Variants in POLR3A observed in about 807,000 individuals in gnomAD.
POLR3A encodes the protein DNA-directed RNA polymerase III subunit RPC1.
A neutral mutation model predicts 152.8 loss-of-function variants in POLR3A; 112 were observed. That is an observed-to-expected ratio of 0.73 (90% CI 0.63 to 0.86). The LOEUF (loss-of-function observed/expected upper bound fraction) is 0.86. POLR3A is among the 40% of genes least tolerant of loss of function. The pLI is 0.00. For missense variants in POLR3A, 1,385 were observed against 1,743.1 expected, an observed-to-expected ratio of 0.79 and a Z score of 3.66; for synonymous variants, 615 against 652.1, an observed-to-expected ratio of 0.94 and a Z score of 0.87.
intron 21 of POLR3A, among the ~76,000 whole-genome samples, chr10:77,988,785 C>A (rs768700065): frequency 6.6e-6 from 1 of 152,186 alleles, no homozygotes; most frequent in Non-Finnish European, 1.5e-5. Context: ...CTGGCAGTGG[C>A]TGGGTCCTTT....
chr10:78,004,779 G>A lies in POLR3A; in HGVS notation c.2184C>T (p.Ile728=), dbSNP rs764979404. 3.0e-5 allele frequency: 48 copies of A among 1,613,684 alleles called. No homozygotes were observed. The highest frequency in any genetic ancestry group is 3.6e-5 in the Non-Finnish European group (42 of 1,179,780). The stretch of plus-strand genomic sequence containing the variant: ...GCAGCTTGCCCGTGTTCAGGGCTTC[G>A]ATGTACTCATCACATTTCTTGTAGC... The part of the protein sequence containing the change: ...NAGYKKCDEY[I]EALNTGKLQQ... The change falls in exon 16 of 31, where the codon ATC becomes ATT. Residue 728 remains isoleucine (I), a synonymous_variant. Coordinates refer to ENST00000372371, the MANE Select transcript of POLR3A (RefSeq NM_007055.4).
intron 9 of POLR3A, among the ~76,000 whole-genome samples, chr10:78,018,184 A>G (rs1847543537): frequency 6.6e-6 from 1 of 151,406 alleles, no homozygotes; most frequent in Non-Finnish European, 1.5e-5. Context: ...AAAAAAAAAA[A>G]AAAAACCATG....
In POLR3A at chr10:78,017,653, C is replaced by T. The variant is rs1386770615; in HGVS notation, c.1353G>A (p.Glu451=). ...AQELKYGDIV[E]RHLIDGDVVL... is the part of the protein sequence containing the mutation. ...CCACATCTCCATCGATGAGGTGTCT[C>T]TCTACGATGTCACCATACTTGAGCT... is the stretch of plus-strand genomic sequence containing the variant. Residue 451 remains glutamate, a synonymous_variant, in exon 10 of 31, where the codon GAG becomes GAA. Transcript: ENST00000372371. The T allele has an allele frequency of 6.2e-7, 1 of 1,614,082 alleles. No individual in the cohort carries two copies. The highest frequency in any genetic ancestry group is 8.5e-7 in the Non-Finnish European group (1 of 1,179,930).
chr10:78,015,548 G>A (rs761705842), intron 10 of POLR3A, among the ~76,000 whole-genome samples: 1 of 151,902 alleles, frequency 6.6e-6, no homozygotes, highest in Admixed American at 6.6e-5. Context: ...GGCTGGTCTC[G>A]AACTCCTGAC....
At position 77,984,205 on chromosome 10, in the gene POLR3A, C is replaced by T. The variant is rs886047284; in HGVS notation, c.3336G>A (p.Glu1112=). 1 of 1,590,098 alleles carries T rather than the reference C, an allele frequency of 6.3e-7. No individual in the cohort carries two copies. Among genetic ancestry groups the T allele is most frequent in the Non-Finnish European group, 8.6e-7 (1 of 1,158,304 alleles). ...KGRIEKTLLG[E]ISEYIEEVFL... ...GTTATCAATAGGGATTTCTTCTTAC[C>T]TCTCCCAAGAGGGTTTTCTCAATTC... The change falls in exon 25 of 31, where the codon GAG becomes GAA. Residue 1112 remains glutamate (E), a splice_region_variant and synonymous_variant. Coordinates refer to ENST00000372371, the MANE Select transcript of POLR3A (RefSeq NM_007055.4).
rs77853092 is a variant in POLR3A at position 77,989,283 on chromosome 10, G to A, written c.2901+1771C>T. Among the ~76,000 whole-genome samples, 13 of 152,238 alleles carry A rather than the reference G, an allele frequency of 8.5e-5. No individual in the cohort carries two copies. The East Asian group carries it at 1.5e-3, about 18-fold the overall frequency. On this transcript the variant is annotated intron_variant, in intron 21 of 30. Coordinates refer to ENST00000372371, the MANE Select transcript of POLR3A (RefSeq NM_007055.4). ...TGCTCCACAGCAGGCCTATGAGCAC[G>A]GGCATTCTCCTCTGGCAGGGACCTG...
In POLR3A at chr10:77,981,466, T is replaced by G. The variant is rs1564612917; in HGVS notation, c.3853A>C (p.Arg1285=). 6.2e-7 allele frequency: 1 copy of G among 1,614,034 alleles called. No homozygotes were observed. Among genetic ancestry groups the G allele is most frequent in the Admixed American group, 1.7e-5 (1 of 60,014 alleles). ...AGGTCGGAGAGCAGCATCACGTGCC[T>G]CCTGTCGATGCTCATGCCGTGGTTC... ...MVNHGMSIDR[R]HVMLLSDLMT... is the part of the protein sequence containing the mutation. The change falls in exon 29 of 31, where the codon AGG becomes CGG. Residue 1285 remains arginine (R), a synonymous_variant. Coordinates refer to ENST00000372371, the MANE Select transcript of POLR3A (RefSeq NM_007055.4).
Position 78,019,392 on chromosome 10 carries a change from G to A in POLR3A, c.1186-127C>T, listed in dbSNP as rs1863898. ...AGGAGAAAGAGAGGCATCCTGGGCAGCCTGCTGCCTATGGTCTTGAGTATA... is the reference window on the plus strand; with the variant it reads ...AGGAGAAAGAGAGGCATCCTGGGCAACCTGCTGCCTATGGTCTTGAGTATA... On this transcript the variant is annotated intron_variant, in intron 8 of 30. Transcript: ENST00000372371. 0.43 allele frequency: 306,933 copies of A among 722,108 alleles called. 69,705 individuals carry two copies. Among genetic ancestry groups the A allele is most frequent in the Admixed American group, 0.5 (24,833 of 49,226 alleles). The allele number at this position is 722,108 out of a possible 1,614,324, so 44.7% of individuals were successfully genotyped here.
At position 77,986,173 on chromosome 10, in the gene POLR3A, C is replaced by A; in HGVS notation, c.2902-14G>T. ...TTTTTTTATTTCCTGAAAGATTACACAGCAAACATCATTTGTAAGTTTCAC... is the reference window on the plus strand; with the variant it reads ...TTTTTTTATTTCCTGAAAGATTACAAAGCAAACATCATTTGTAAGTTTCAC... On this transcript the variant is annotated splice_polypyrimidine_tract_variant and intron_variant, in intron 21 of 30. Coordinates refer to ENST00000372371, the MANE Select transcript of POLR3A (RefSeq NM_007055.4). 3.4e-6 allele frequency: 4 copies of A among 1,188,264 alleles called. No homozygotes were observed. Among genetic ancestry groups the A allele is most frequent in the Non-Finnish European group, 5.1e-6 (4 of 791,032 alleles). 73.6% of individuals were successfully genotyped at this position (1,188,264 alleles called of 1,614,324 possible).
intron 1 of POLR3A, among the ~76,000 whole-genome samples, chr10:78,027,205 G>A (rs1847643431): frequency 6.6e-6 from 1 of 152,186 alleles, no homozygotes; most frequent in African/African-American, 2.4e-5. Flanking sequence ...AATGACTAGG[G>A]CCAGGGTCCT....
chr10:78,002,953 C>T (rs929752781), intron 16 of POLR3A, among the ~76,000 whole-genome samples: 1 of 152,190 alleles, frequency 6.6e-6, no homozygotes, highest in Admixed American at 6.5e-5. Context: ...ACATGCACCC[C>T]ATACAAATAT....
In POLR3A at chr10:77,982,144, T is replaced by C. The variant is rs754987718; in HGVS notation, c.3759+10A>G. The stretch of plus-strand genomic sequence containing the variant: ...CTAACCCTAAGGCGACCCCGTGGGC[T>C]GAGTGGTACCTCATAGGTGTTATTG... On this transcript the variant is annotated intron_variant, in intron 28 of 30. Coordinates refer to ENST00000372371, the MANE Select transcript of POLR3A (RefSeq NM_007055.4). 14 of 1,609,444 alleles carry C rather than the reference T, an allele frequency of 8.7e-6. No homozygotes were observed. The Admixed American group carries it at 2.3e-4, about 27-fold the overall frequency.
intron 29 of POLR3A, 133 bp from the exon 30 acceptor site, chr10:77,980,406 G>A (rs907351657): frequency 1.4e-5 from 11 of 805,012 alleles, no homozygotes; most frequent in Admixed American, 2.0e-5. Context: ...AGGCCCTGAG[G>A]AGCTATGGGT....
chr10:77,984,959 C>T (rs1847183469), intron 24 of POLR3A, among the ~76,000 whole-genome samples: 1 of 152,194 alleles, frequency 6.6e-6, no homozygotes, highest in Non-Finnish European at 1.5e-5. Flanking sequence ...ATAACAAAAC[C>T]ATTGCTTCTA....
At chr10:78,027,923 T>C (rs1847652670) in intron 1 of POLR3A, among the ~76,000 whole-genome samples, 1 of 152,160 alleles carries the variant, frequency 6.6e-6, no homozygotes, top group Non-Finnish European at 1.5e-5. Context: ...TTCTCTGTTT[T>C]GTGAGAATGT....
chr10:77,979,776 C>A (rs1344689770), intron 30 of POLR3A, among the ~76,000 whole-genome samples: 1 of 152,188 alleles, frequency 6.6e-6, no homozygotes, highest in Non-Finnish European at 1.5e-5. Flanking sequence ...TGCCCAGCGC[C>A]CAGCCAGTAC....
At chr10:77,995,577 A>C (rs537595462) in intron 19 of POLR3A, among the ~76,000 whole-genome samples, 1 of 152,136 alleles carries the variant, frequency 6.6e-6, no homozygotes, top group Non-Finnish European at 1.5e-5. Context: ...CCATTACATA[A>C]TGGTAAAGGG....
At chr10:77,995,016 TAAAGA>T (rs1472702952) in intron 19 of POLR3A, among the ~76,000 whole-genome samples, 1 of 152,162 alleles carries the variant, frequency 6.6e-6, no homozygotes, top group Non-Finnish European at 1.5e-5. Context: ...TCAACATTCT[TAAAGA>T]AAAGAATTTT....
At position 77,976,367 on chromosome 10, in the gene POLR3A, T is replaced by C. The variant is rs1055145992; in HGVS notation, c.*1111A>G. The C allele has an allele frequency of 6.6e-6, 1 of 152,140 alleles. No individual in the cohort carries two copies. Among genetic ancestry groups the C allele is most frequent in the Non-Finnish European group, 1.5e-5 (1 of 68,066 alleles). The allele number at this position is 152,140 out of a possible 1,614,324, so 9.4% of individuals were successfully genotyped here. A position where few individuals can be genotyped will look rare whatever the true frequency, so the allele number is the denominator to read the frequency against. ...CTGCTCTCGAACTCCTGGGCTCAAG[T>C]GATCTGCCCCCCTCGGCCTCCCAAA... On this transcript the variant is annotated 3_prime_UTR_variant, in exon 31 of 31. Transcript: ENST00000372371.
Sources: allele counts gnomAD v4.1 joint callset (sites outside exome capture counted in the v4.1 genomes callset), GRCh38; gene constraint gnomAD v4.1.1; transcripts MANE v1.5; gene names NCBI Gene and HGNC (gene_info 2026-07-23, HGNC 2026-07-21).